Variants in HOXC4 observed in about 807,000 individuals in gnomAD.
HOXC4 encodes the protein homeobox C4, also known as homeobox protein Hox-C4.
HOXC4 carries 15 observed loss-of-function variants against 25.5 expected under a neutral mutation model. The observed-to-expected ratio is 0.59, with a 90% CI of 0.39 to 0.91. The LOEUF (loss-of-function observed/expected upper bound fraction) is 0.91, where lower values mean the gene tolerates loss of function less well. Ranked by LOEUF, HOXC4 falls within the 40% of genes least tolerant of loss-of-function variation. The pLI is 0.00. For synonymous variants in HOXC4, 165 were observed against 148.0 expected (o/e 1.11, Z -0.83); for missense variants, 342 against 352.4 (o/e 0.97, Z 0.24).
At chr12:54,033,400 C>T (rs779584269) in intron 1 of HOXC4, 1 of 1,611,790 alleles carries the variant, frequency 6.2e-7, no homozygotes, top group Non-Finnish European at 8.5e-7. Flanking sequence ...GAAGCGGCTC[C>T]TCTGAACCCC....
chr12:54,028,248 T>G, intron 1 of HOXC4: 1 of 127,548 alleles, frequency 7.8e-6, no homozygotes, highest in Non-Finnish European at 1.5e-5. Context: ...TTCCCTTACA[T>G]ATATATATAT....
intron 1 of HOXC4, chr12:54,020,135 G>A (rs759780603): frequency 1.3e-5 from 2 of 152,244 alleles, no homozygotes; most frequent in Non-Finnish European, 2.9e-5. Flanking sequence ...CTCCTTGCAG[G>A]CCACATTCCC....
intron 1 of HOXC4, among the ~76,000 whole-genome samples, chr12:54,046,025 G>A (rs1308219791): frequency 2.0e-5 from 3 of 152,154 alleles, no homozygotes; most frequent in Admixed American, 6.5e-5. Flanking sequence ...GAGGCTGACA[G>A]GGGCTTGTAT....
upstream of HOXC4, among the ~76,000 whole-genome samples, chr12:54,052,576 G>T (rs1055150203): frequency 1.0e-4 from 15 of 150,640 alleles, no homozygotes; most frequent in African/African-American, 3.7e-4. Context: ...AGCTGGGGGG[G>T]GGGGGTGGTG....
intron 1 of HOXC4, chr12:54,033,209 G>A (rs1941054976): frequency 6.2e-7 from 1 of 1,614,126 alleles, no homozygotes; most frequent in African/African-American, 1.3e-5. Flanking sequence ...ACTATGGATC[G>A]GCCTCAGAGG....
intron 1 of HOXC4, among the ~76,000 whole-genome samples, chr12:54,031,384 A>C (rs1170975166): frequency 6.6e-6 from 1 of 152,180 alleles, no homozygotes; most frequent in East Asian, 1.9e-4. Flanking sequence ...ATTCAAGGAC[A>C]TCTCGAGAGA....
At chr12:54,041,295 G>T (rs1254945632) in intron 1 of HOXC4, among the ~76,000 whole-genome samples, 1 of 152,254 alleles carries the variant, frequency 6.6e-6, no homozygotes, top group African/African-American at 2.4e-5. Flanking sequence ...CCAGTCCACT[G>T]CTGGGTCCAG....
At chr12:54,023,287 T>A (rs2136424560) in intron 1 of HOXC4, among the ~76,000 whole-genome samples, 1 of 152,302 alleles carries the variant, frequency 6.6e-6, no homozygotes, top group African/African-American at 2.4e-5. Context: ...ATTTTACGTT[T>A]TAACCTTAAG....
intron 1 of HOXC4, chr12:54,032,924 C>T: frequency 1.9e-6 from 1 of 538,478 alleles, no homozygotes; most frequent in African/African-American, 1.9e-5. Context: ...GGTCATCAAG[C>T]CAAATTTATG....
chr12:54,028,780 T>G, intron 1 of HOXC4: 3 of 1,614,168 alleles, frequency 1.9e-6, no homozygotes, highest in Non-Finnish European at 2.5e-6. Flanking sequence ...GCTCTCAAAC[T>G]GCAGACAAAA....
At chr12:54,043,521 T>C (rs969446115) in intron 1 of HOXC4, among the ~76,000 whole-genome samples, 1 of 152,068 alleles carries the variant, frequency 6.6e-6, no homozygotes, top group African/African-American at 2.4e-5. Flanking sequence ...GGAACCAACT[T>C]CCCACTCCTC....
chr12:54,024,200 G>A (rs77797230), intron 1 of HOXC4, among the ~76,000 whole-genome samples: 5,227 of 152,178 alleles, frequency 0.034, 305 homozygotes, highest in African/African-American at 0.12. Flanking sequence ...GGGCCAGCGG[G>A]GCAACCGTTC....
At chr12:54,026,233 G>A (rs1470958017) in intron 1 of HOXC4, among the ~76,000 whole-genome samples, 2 of 152,122 alleles carry the variant, frequency 1.3e-5, no homozygotes, top group African/African-American at 2.4e-5. Context: ...GTGTCCAGGG[G>A]TGCACTGACT....
chr12:54,054,201 A>C lies in HOXC4; in HGVS notation c.279A>C (p.Lys93Asn). The C allele has an allele frequency of 1.2e-6, 2 of 1,612,944 alleles. No individual in the cohort carries two copies. Among genetic ancestry groups the C allele is most frequent in the Non-Finnish European group, 1.7e-6 (2 of 1,179,452 alleles). Reference protein sequence around the residue: ...PAQAGHHHPEKSQSLCEPAPL... With the variant: ...PAQAGHHHPENSQSLCEPAPL... ...AGGCGGGCCACCACCACCCCGAGAAATCACAGTCGCTCTGCGAGCCGGCGC... is the reference window on the plus strand; with the variant it reads ...AGGCGGGCCACCACCACCCCGAGAACTCACAGTCGCTCTGCGAGCCGGCGC... The change falls in exon 1 of 2, where the codon AAA becomes AAC. Residue 93 changes from lysine to asparagine, a missense_variant. Physicochemically the swap from Lys to Asn is moderately conservative, Grantham distance 94. Coordinates refer to ENST00000430889, the MANE Select transcript of HOXC4 (RefSeq NM_153633.3).
upstream of HOXC4, among the ~76,000 whole-genome samples, chr12:54,049,767 C>CAA (rs1937802277): frequency 2.7e-5 from 4 of 150,088 alleles, no homozygotes; most frequent in South Asian, 8.5e-4. Flanking sequence ...CACACACACA[C>CAA]ACACACACAC....
chr12:54,040,872 G>T (rs1941261191), intron 1 of HOXC4, among the ~76,000 whole-genome samples: 1 of 152,188 alleles, frequency 6.6e-6, no homozygotes, highest in African/African-American at 2.4e-5. Context: ...AGGGAAGGGA[G>T]CAAAAGTGGA....
At chr12:54,034,040 C>T (rs944981244) in intron 1 of HOXC4, 19 of 687,286 alleles carry the variant, frequency 2.8e-5, no homozygotes, top group Middle Eastern at 2.4e-4. Context: ...TTCCCCCCAA[C>T]CCCCCCTCAG....
At chr12:54,028,532 A>C in intron 1 of HOXC4, 1 of 1,613,746 alleles carries the variant, frequency 6.2e-7, no homozygotes, top group South Asian at 1.1e-5. Context: ...ATGAATTCCT[A>C]CTTCACTAAC....
intron 1 of HOXC4, among the ~76,000 whole-genome samples, chr12:54,024,198 G>A (rs1017914667): frequency 3.9e-5 from 6 of 152,126 alleles, no homozygotes; most frequent in East Asian, 1.9e-4. Context: ...AGGGGCCAGC[G>A]GGGCAACCGT....
Sources: gnomAD v4.1 joint callset for allele counts (sites outside exome capture counted in the v4.1 genomes callset) on GRCh38, gnomAD v4.1.1 for gene constraint, MANE v1.5 for transcripts, NCBI Gene and HGNC (gene_info 2026-07-23, HGNC 2026-07-21) for gene names.